The following XYLT1 variants were observed in gnomAD, a reference collection of about 807,000 sequenced individuals.
XYLT1 encodes the protein beta-D-xylosyltransferase 1.
Under a neutral mutation model 91.3 loss-of-function variants are expected in XYLT1, and 36 were observed. The observed-to-expected ratio is 0.39, with a 90% CI of 0.30 to 0.52. The LOEUF (loss-of-function observed/expected upper bound fraction) is 0.52, where lower values mean the gene tolerates loss of function less well. Among genes scored for constraint, XYLT1 ranks in the 20% least tolerant of loss-of-function variants. The probability of loss-of-function intolerance (pLI) is 0.68; values close to 1 mark genes in which losing one functional copy is unlikely to be tolerated. For synonymous variants in XYLT1, 588 were observed against 532.0 expected, an observed-to-expected ratio of 1.11 and a Z score of -1.45; for missense variants, 1,242 against 1,284.5, an observed-to-expected ratio of 0.97 and a Z score of 0.51.
intron 5 of XYLT1, among the ~76,000 whole-genome samples, chr16:17,178,940 G>A (rs570619295): frequency 6.1e-4 from 93 of 152,174 alleles, no homozygotes; most frequent in Non-Finnish European, 1.1e-3. Context: ...GTGGTGACAT[G>A]AGCCTGTAAT....
rs181743866 is a variant in XYLT1, at chr16:17,369,089, G to C, written c.364-11039C>G. 2.0e-5 allele frequency among the ~76,000 whole-genome samples: 3 copies of C among 149,958 alleles called. No homozygotes were observed. The East Asian group carries it at 5.8e-4, about 29-fold the overall frequency. Reference sequence around the variant, plus strand: ...GAAAAAAAGGTAACCAAAATGCTTGGATGTGGTATGGTGTGATCTGCATGG... The same window carrying C: ...GAAAAAAAGGTAACCAAAATGCTTGCATGTGGTATGGTGTGATCTGCATGG... On this transcript the variant is annotated intron_variant, in intron 1 of 11. Coordinates refer to ENST00000261381, the MANE Select transcript of XYLT1 (RefSeq NM_022166.4).
chr16:17,219,280 CAAA>C (rs369055155), intron 3 of XYLT1, among the ~76,000 whole-genome samples: 111 of 85,024 alleles, frequency 1.3e-3, no homozygotes, highest in East Asian at 3.2e-3. Context: ...GACTTTGTCT[CAAA>C]AAAAAAAAAA....
At chr16:17,231,900 T>C (rs1279804694) in intron 3 of XYLT1, among the ~76,000 whole-genome samples, 1 of 151,690 alleles carries the variant, frequency 6.6e-6, no homozygotes, top group African/African-American at 2.4e-5. Flanking sequence ...TTACTGTACA[T>C]TACTGTAGAC....
At chr16:17,287,775 A>G (rs2034164066) in intron 2 of XYLT1, among the ~76,000 whole-genome samples, 1 of 152,210 alleles carries the variant, frequency 6.6e-6, no homozygotes, top group Admixed American at 6.5e-5. Flanking sequence ...AAAGACAGAC[A>G]GACAGACGCT....
rs746088315 is a variant in XYLT1 at position 17,108,656 on chromosome 16, C to T, written c.*39G>A. On this transcript the variant is annotated 3_prime_UTR_variant, in exon 12 of 12. Transcript: ENST00000261381. Reference sequence around the variant, plus strand: ...CCCACAACCCCTCTGGCTGCTTTCCCGTTGAGATCCTGCTGTGGCCCACTC... The same window carrying T: ...CCCACAACCCCTCTGGCTGCTTTCCTGTTGAGATCCTGCTGTGGCCCACTC... 21 of 1,513,700 alleles carry T rather than the reference C, an allele frequency of 1.4e-5. No homozygotes were observed. The highest frequency in any genetic ancestry group is 2.6e-5 in the South Asian group (2 of 75,956). The allele number at this position is 1,513,700 out of a possible 1,614,324, so 93.8% of individuals were successfully genotyped here.
chr16:17,421,167 T>C (rs189555461), intron 1 of XYLT1, among the ~76,000 whole-genome samples: 23 of 152,344 alleles, frequency 1.5e-4, no homozygotes, highest in Non-Finnish European at 2.8e-4. Flanking sequence ...CAGACATATA[T>C]TTCGATCTTA....
intron 2 of XYLT1, among the ~76,000 whole-genome samples, chr16:17,343,284 C>T (rs554926771): frequency 2.6e-5 from 4 of 152,300 alleles, no homozygotes; most frequent in East Asian, 3.9e-4. Flanking sequence ...CGTCTCCCTG[C>T]GGTCTTTCAG....
At chr16:17,124,067 T>C (rs2030170997) in intron 10 of XYLT1, among the ~76,000 whole-genome samples, 1 of 152,192 alleles carries the variant, frequency 6.6e-6, no homozygotes, top group Non-Finnish European at 1.5e-5. Flanking sequence ...AGACACTTGG[T>C]TGGTGAATTC....
chr16:17,342,945 A>T (rs1009852172), intron 2 of XYLT1, among the ~76,000 whole-genome samples: 7 of 152,336 alleles, frequency 4.6e-5, no homozygotes, highest in African/African-American at 1.7e-4. Flanking sequence ...TCCAGAAAAA[A>T]ACTTCGAGTC....
chr16:17,156,559 C>T (rs759920283), intron 6 of XYLT1, among the ~76,000 whole-genome samples: 17 of 152,360 alleles, frequency 1.1e-4, no homozygotes, highest in Non-Finnish European at 2.4e-4. Flanking sequence ...TAGCATTTAA[C>T]CAGCTGTGTG....
intron 2 of XYLT1, chr16:17,355,427 T>G (rs72781554): frequency 0.085 from 12,946 of 152,140 alleles, 684 homozygotes; most frequent in Middle Eastern, 0.14. Flanking sequence ...TGGGGAAGGA[T>G]AAGGAAAAGA....
chr16:17,344,926 C>G (rs2035123574), intron 2 of XYLT1, among the ~76,000 whole-genome samples: 2 of 152,050 alleles, frequency 1.3e-5, no homozygotes. Flanking sequence ...GTCTCAAACT[C>G]CTGGCCTCAA....
intron 2 of XYLT1, among the ~76,000 whole-genome samples, chr16:17,298,547 T>C (rs1019746662): frequency 3.9e-5 from 6 of 152,282 alleles, no homozygotes; most frequent in African/African-American, 1.2e-4. Flanking sequence ...AAAGTCTCTG[T>C]GAAGCGTAAG....
chr16:17,367,569 C>T (rs771474740), intron 1 of XYLT1, among the ~76,000 whole-genome samples: 12 of 152,328 alleles, frequency 7.9e-5, no homozygotes, highest in Non-Finnish European at 1.5e-4. Flanking sequence ...TACTATGTGA[C>T]TTCTGGGACT....
At chr16:17,229,577 G>A (rs768685453) in intron 3 of XYLT1, among the ~76,000 whole-genome samples, 6 of 152,198 alleles carry the variant, frequency 3.9e-5, no homozygotes, top group Non-Finnish European at 7.3e-5. Context: ...CCAGGTGGGG[G>A]CAGAGGCAAA....
intron 5 of XYLT1, among the ~76,000 whole-genome samples, chr16:17,161,677 G>T (rs12933646): frequency 0.23 from 34,234 of 148,856 alleles, 4,400 homozygotes; most frequent in South Asian, 0.41. Context: ...TTTCTCGCGC[G>T]CTCTCTCTCT....
intron 1 of XYLT1, among the ~76,000 whole-genome samples, chr16:17,406,076 T>G (rs950136890): frequency 3.3e-5 from 5 of 151,984 alleles, no homozygotes; most frequent in Non-Finnish European, 5.9e-5. Flanking sequence ...TCCCAGCTAT[T>G]TGGAAGGCTG....
intron 1 of XYLT1, among the ~76,000 whole-genome samples, chr16:17,453,155 T>C (rs967231342): frequency 1.3e-5 from 2 of 152,290 alleles, no homozygotes; most frequent in Admixed American, 6.5e-5. Context: ...GCCCAAGGGT[T>C]TCAAGTCCAC....
intron 3 of XYLT1, among the ~76,000 whole-genome samples, chr16:17,238,875 GATCTC>G (rs2033291373): frequency 6.6e-6 from 1 of 152,200 alleles, no homozygotes; most frequent in African/African-American, 2.4e-5. Context: ...GAGTTTACGT[GATCTC>G]ACAATGGGGT....
Sources: gnomAD v4.1 joint callset for allele counts (sites outside exome capture counted in the v4.1 genomes callset) on GRCh38, gnomAD v4.1.1 for gene constraint, MANE v1.5 for transcripts, NCBI Gene and HGNC (gene_info 2026-07-23, HGNC 2026-07-21) for gene names.